CDH8: variants seen among roughly 807,000 people sequenced by gnomAD.
CDH8 encodes cadherin-8.
CDH8 carries 17 observed loss-of-function variants against 68.1 expected under a neutral mutation model. The observed-to-expected ratio is 0.25, with a 90% CI of 0.17 to 0.37. The LOEUF is 0.37. CDH8 is among the 10% of genes least tolerant of loss of function. The pLI is 1.00. For missense variants in CDH8, 763 were observed against 999.3 expected, an observed-to-expected ratio of 0.76 and a Z score of 3.19; for synonymous variants, 372 against 365.1, an observed-to-expected ratio of 1.02 and a Z score of -0.21.
rs1962200936 is a variant in CDH8 at position 61,820,979 on chromosome 16, A to G, written c.970T>C (p.Phe324Leu). The G allele has an allele frequency of 6.2e-7, 1 of 1,612,628 alleles. No individual in the cohort carries two copies. Among genetic ancestry groups the G allele is most frequent in the Admixed American group, 1.7e-5 (1 of 59,858 alleles). The change falls in exon 6 of 12, where the codon TTT becomes CTT. Residue 324 changes from phenylalanine to leucine, a missense_variant. This residue lies in a region of CDH8 where 366 missense variants were observed against 563.1 expected (regional missense o/e 0.65). Transcript: ENST00000577390. ...DIIDGDGTAL[F>L]EITSDAQAQD... ...GCCTGGGCATCAGAAGTGATTTCAA[A>G]AAGTGCTGTTCCATCTCCATCGATG...
At chr16:61,931,579 A>G (rs1270772658) in intron 2 of CDH8, among the ~76,000 whole-genome samples, 2 of 152,286 alleles carry the variant, frequency 1.3e-5, no homozygotes, top group Middle Eastern at 3.4e-3. Flanking sequence ...CACACTGCTG[A>G]GCCACTTTTC....
intron 11 of CDH8, 125 bp downstream of exon 11, chr16:61,655,345 G>T (rs975350712): frequency 2.2e-6 from 2 of 891,582 alleles, no homozygotes; most frequent in Non-Finnish European, 3.4e-6. Flanking sequence ...TGTGGAGAAG[G>T]AAAGGAAGTT....
At chr16:61,687,882 T>C (rs1964139376) in intron 10 of CDH8, among the ~76,000 whole-genome samples, 2 of 152,082 alleles carry the variant, frequency 1.3e-5, no homozygotes, top group African/African-American at 4.8e-5. Flanking sequence ...CTTTATCTCA[T>C]TTATATATTA....
intron 2 of CDH8, among the ~76,000 whole-genome samples, chr16:61,972,096 C>G (rs1965349608): frequency 6.6e-6 from 1 of 151,994 alleles, no homozygotes; most frequent in Admixed American, 6.6e-5. Flanking sequence ...GGGCAGTTTC[C>G]CCTATACTGT....
intron 8 of CDH8, among the ~76,000 whole-genome samples, chr16:61,768,925 T>A (rs1960706781): frequency 6.6e-6 from 1 of 151,796 alleles, no homozygotes; most frequent in Non-Finnish European, 1.5e-5. Flanking sequence ...TCAGGGTCAC[T>A]TCACACACTT....
At chr16:61,964,677 G>A (rs1965216783) in intron 2 of CDH8, among the ~76,000 whole-genome samples, 1 of 151,996 alleles carries the variant, frequency 6.6e-6, no homozygotes, top group Admixed American at 6.6e-5. Flanking sequence ...GCCTCGGTCT[G>A]CCCTGAAATC....
intron 2 of CDH8, among the ~76,000 whole-genome samples, chr16:61,985,606 C>T (rs549779271): frequency 3.9e-5 from 6 of 152,292 alleles, no homozygotes; most frequent in African/African-American, 1.2e-4. Context: ...GATTCTCCTG[C>T]CTCAGCCTCC....
At chr16:61,661,835 T>G (rs549819419) in intron 10 of CDH8, among the ~76,000 whole-genome samples, 1 of 151,900 alleles carries the variant, frequency 6.6e-6, no homozygotes, top group African/African-American at 2.4e-5. Flanking sequence ...TAAAGGATTT[T>G]ATTCATTCCT....
chr16:61,936,944 T>A lies in CDH8; in HGVS notation c.253-35471A>T, dbSNP rs558392409. Among the ~76,000 whole-genome samples, 29 of 152,312 alleles carry A rather than the reference T, an allele frequency of 1.9e-4. 1 individual carries two copies. Among genetic ancestry groups the A allele is most frequent in the African/African-American group, 7.0e-4 (29 of 41,590 alleles). On this transcript the variant is annotated intron_variant, in intron 2 of 11. Coordinates refer to ENST00000577390, the MANE Select transcript of CDH8 (RefSeq NM_001796.5). ...ACATTTAGATGCAAATAAAATCACGTATCTCTGGGAGATTTTGTAAAATAG... is the reference window on the plus strand; with the variant it reads ...ACATTTAGATGCAAATAAAATCACGAATCTCTGGGAGATTTTGTAAAATAG...
chr16:61,667,565 A>C (rs1567411722), intron 10 of CDH8: 1 of 151,972 alleles, frequency 6.6e-6, no homozygotes, highest in Non-Finnish European at 1.5e-5. Flanking sequence ...GGAGTCATCA[A>C]GTGATCTATG....
At chr16:61,874,140 C>T (rs1354961467) in intron 3 of CDH8, among the ~76,000 whole-genome samples, 1 of 152,018 alleles carries the variant, frequency 6.6e-6, no homozygotes, top group Non-Finnish European at 1.5e-5. Context: ...TGAGAGTTCT[C>T]ATCTCATGTA....
At chr16:61,788,251 A>G (rs1961286332) in intron 8 of CDH8, among the ~76,000 whole-genome samples, 1 of 152,134 alleles carries the variant, frequency 6.6e-6, no homozygotes, top group East Asian at 1.9e-4. Flanking sequence ...TTAAATACAA[A>G]CAAAGTAATC....
intron 1 of CDH8, among the ~76,000 whole-genome samples, chr16:62,030,336 T>G (rs371085005): frequency 1.7e-3 from 252 of 152,328 alleles, no homozygotes; most frequent in African/African-American, 5.7e-3. Context: ...AAGATATGTG[T>G]TTTAACCCTC....
At chr16:61,905,543 T>A (rs1964047344) in intron 2 of CDH8, among the ~76,000 whole-genome samples, 1 of 152,184 alleles carries the variant, frequency 6.6e-6, no homozygotes. Flanking sequence ...AAAGATGATT[T>A]CTTCATTTTA....
chr16:62,035,872 A>C (rs1902444982), intron 1 of CDH8, among the ~76,000 whole-genome samples: 1 of 152,154 alleles, frequency 6.6e-6, no homozygotes, highest in Non-Finnish European at 1.5e-5. Flanking sequence ...AGTCAGGCAA[A>C]ACCTTGAGGC....
chr16:61,862,337 T>G (rs975193819), intron 3 of CDH8, among the ~76,000 whole-genome samples: 1 of 152,170 alleles, frequency 6.6e-6, no homozygotes, highest in Non-Finnish European at 1.5e-5. Flanking sequence ...GGGCACATCA[T>G]CAGTACAAGT....
At chr16:62,031,024 T>C (rs1002427805) in intron 1 of CDH8, among the ~76,000 whole-genome samples, 1 of 152,166 alleles carries the variant, frequency 6.6e-6, no homozygotes, top group Non-Finnish European at 1.5e-5. Flanking sequence ...TAATCCTTAA[T>C]TATTTTTTAT....
At position 62,036,084 on chromosome 16, in the gene CDH8, G is replaced by T. The variant is rs902320487; in HGVS notation, c.-204C>A. On this transcript the variant is annotated 5_prime_UTR_variant, in exon 1 of 12. Coordinates refer to ENST00000577390, the MANE Select transcript of CDH8 (RefSeq NM_001796.5). ...GTGGGTTAGGGGAACACTTACTCTT[G>T]TGGGGCCCTGCGCTGGCGAATGTCA... 6 of 152,296 alleles carry T rather than the reference G, an allele frequency of 3.9e-5. No individual in the cohort carries two copies. Among genetic ancestry groups the T allele is most frequent in the Non-Finnish European group, 8.8e-5 (6 of 68,126 alleles). 9.4% of individuals were successfully genotyped at this position (152,296 alleles called of 1,614,324 possible). A position where few individuals can be genotyped will look rare whatever the true frequency, so the allele number is the denominator to read the frequency against.
chr16:61,804,319 G>C (rs1012303549), intron 7 of CDH8, among the ~76,000 whole-genome samples: 3 of 152,048 alleles, frequency 2.0e-5, no homozygotes, highest in East Asian at 3.9e-4. Flanking sequence ...ATTCAAAACA[G>C]TGTGTAGAGG....
Sources: gnomAD v4.1 joint callset for allele counts (sites outside exome capture counted in the v4.1 genomes callset) on GRCh38, gnomAD v4.1.1 for gene constraint, gnomAD v4.1.1 regional missense constraint, MANE v1.5 for transcripts, NCBI Gene and HGNC (gene_info 2026-07-23, HGNC 2026-07-21) for gene names.